The following ELF2 variants were observed in gnomAD, a reference collection of about 807,000 sequenced individuals.
ELF2 encodes ETS-related transcription factor Elf-2.
Under a neutral mutation model 54.8 loss-of-function variants are expected in ELF2, and 11 were observed. The ratio of observed to expected loss-of-function variants is 0.20; its 90% CI spans 0.13 to 0.33. The LOEUF is 0.33. Among genes scored for constraint, ELF2 ranks in the 10% least tolerant of loss-of-function variants. ELF2 has a pLI of 1.00. For missense variants in ELF2, 513 were observed against 703.0 expected (o/e 0.73, Z 3.06); for synonymous variants, 203 against 245.1 (o/e 0.83, Z 1.61).
chr4:139,096,625 C>CTT (rs551057884), intron 4 of ELF2, among the ~76,000 whole-genome samples: 32 of 126,994 alleles, frequency 2.5e-4, no homozygotes, highest in South Asian at 7.8e-4. Context: ...CCATACCAAG[C>CTT]TTTTTTTTTT....
chr4:139,139,388 A>G (rs1329729087), intron 2 of ELF2, 25 bp downstream of exon 2: 2 of 1,128,230 alleles, frequency 1.8e-6, no homozygotes, highest in East Asian at 6.4e-5. Context: ...TATATATAAT[A>G]ATAGCAGAAA....
At chr4:139,144,933 AACTTTGGGGAGCCCTATGGCCTC>A (rs1328271853) in intron 1 of ELF2, among the ~76,000 whole-genome samples, 1 of 152,210 alleles carries the variant, frequency 6.6e-6, no homozygotes, top group Non-Finnish European at 1.5e-5. Flanking sequence ...AAAAGACAGA[AACTTTGGGGAGCCCTATGGCCTC>A]ACCCATCATC....
intron 4 of ELF2, among the ~76,000 whole-genome samples, chr4:139,117,472 T>G (rs1735846201): frequency 6.6e-6 from 1 of 151,992 alleles, no homozygotes; most frequent in South Asian, 2.1e-4. Context: ...GGCAGGCAGA[T>G]CGCATGAGGC....
intron 4 of ELF2, among the ~76,000 whole-genome samples, chr4:139,076,922 T>C (rs1440823419): frequency 6.6e-6 from 1 of 152,188 alleles, no homozygotes; most frequent in Non-Finnish European, 1.5e-5. Context: ...GTAAAATACA[T>C]ACTTAGAAAA....
In ELF2 at chr4:139,125,312, A is replaced by C. The variant is rs115767880; in HGVS notation, c.90T>G (p.Ser30=). The change falls in exon 4 of 10, where the codon TCT becomes TCG. Residue 30 remains serine, a synonymous_variant. Transcript: ENST00000686138. ...GCTCCACAATCACTGCTGGATATTC[A>C]GAAACCTTTTCACTTTCCTATAAGA... ...VENQEESEKV[S]EYPAVIVEPV... 5.2e-3 allele frequency: 8,325 copies of C among 1,609,310 alleles called. 38 individuals carry two copies. The highest frequency in any genetic ancestry group is 6.7e-3 in the Non-Finnish European group (7,890 of 1,178,936).
intron 3 of ELF2, 37 bp from the exon 4 acceptor site, chr4:139,125,366 A>G: frequency 6.3e-7 from 1 of 1,594,390 alleles, no homozygotes; most frequent in Admixed American, 1.9e-5. Flanking sequence ...CAACCTTTGT[A>G]TTTACAAATT....
intron 1 of ELF2, among the ~76,000 whole-genome samples, chr4:139,176,397 G>GC (rs11286620): frequency 4.2e-4 from 63 of 150,306 alleles, no homozygotes; most frequent in East Asian, 1.0e-3. Flanking sequence ...GGTGTCCAGC[G>GC]CCCCCCCCCG....
intron 4 of ELF2, among the ~76,000 whole-genome samples, chr4:139,078,013 AAAT>A (rs780862469): frequency 6.6e-6 from 1 of 152,214 alleles, no homozygotes; most frequent in Non-Finnish European, 1.5e-5. Context: ...ACAGTACCAA[AAAT>A]AATATTTGCT....
At chr4:139,084,411 C>CGGCAGG (rs1377595132) in intron 4 of ELF2, 41 of 1,374,356 alleles carry the variant, frequency 3.0e-5, no homozygotes, top group African/African-American at 1.8e-4. Context: ...CACCACCTAA[C>CGGCAGG]GGCAGGGGCA....
At chr4:139,064,328 CAGAAA>C (rs759614654) in intron 7 of ELF2, among the ~76,000 whole-genome samples, 5 of 152,148 alleles carry the variant, frequency 3.3e-5, no homozygotes, top group Non-Finnish European at 7.4e-5. Context: ...AAAAAAAGAA[CAGAAA>C]AGAGTCCTGA....
intron 4 of ELF2, among the ~76,000 whole-genome samples, chr4:139,094,052 C>T (rs1240734730): frequency 6.6e-6 from 1 of 152,034 alleles, no homozygotes; most frequent in Non-Finnish European, 1.5e-5. Context: ...GCATGTGCCA[C>T]CATGCCTGGC....
chr4:139,106,003 G>A (rs989198402), intron 4 of ELF2, among the ~76,000 whole-genome samples: 1 of 152,174 alleles, frequency 6.6e-6, no homozygotes, highest in Non-Finnish European at 1.5e-5. Flanking sequence ...CTGGGGATGG[G>A]TCCAACAATC....
intron 1 of ELF2, among the ~76,000 whole-genome samples, chr4:139,141,411 AAAGCCTACAGGTCC>A (rs1007331432): frequency 1.3e-5 from 2 of 152,190 alleles, no homozygotes; most frequent in Non-Finnish European, 2.9e-5. Context: ...ACACATATAT[AAAGCCTACAGGTCC>A]AAGCTCTGGT....
chr4:139,146,795 A>T (rs1739264556), intron 1 of ELF2, among the ~76,000 whole-genome samples: 1 of 152,212 alleles, frequency 6.6e-6, no homozygotes, highest in Non-Finnish European at 1.5e-5. Context: ...TTATTTAATA[A>T]ATGGTGCTGA....
intron 4 of ELF2, among the ~76,000 whole-genome samples, chr4:139,099,393 T>C (rs376448421): frequency 6.6e-6 from 1 of 152,218 alleles, no homozygotes; most frequent in African/African-American, 2.4e-5. Context: ...GTAAGCACAA[T>C]GGATACAGTC....
intron 1 of ELF2, among the ~76,000 whole-genome samples, chr4:139,148,368 T>C (rs1739485993): frequency 7.0e-6 from 1 of 143,614 alleles, no homozygotes; most frequent in Non-Finnish European, 1.5e-5. Context: ...GGCTTCATTA[T>C]GTTGCCCAGG....
intron 4 of ELF2, among the ~76,000 whole-genome samples, chr4:139,120,868 G>A (rs2148827036): frequency 6.6e-6 from 1 of 152,148 alleles, no homozygotes; most frequent in East Asian, 1.9e-4. Flanking sequence ...TTCTGAACAA[G>A]TATTGAATTT....
chr4:139,107,609 T>A (rs1734546329), intron 4 of ELF2, among the ~76,000 whole-genome samples: 1 of 152,094 alleles, frequency 6.6e-6, no homozygotes, highest in Admixed American at 6.5e-5. Context: ...CAGAGAGGCA[T>A]CTTTACCATG....
chr4:139,160,791 C>T (rs1165122448), intron 1 of ELF2, among the ~76,000 whole-genome samples: 1 of 151,800 alleles, frequency 6.6e-6, no homozygotes, highest in Admixed American at 6.6e-5. Flanking sequence ...GCTGAAACCC[C>T]GACTCTACTA....
Sources: gnomAD v4.1 joint callset for allele counts (sites outside exome capture counted in the v4.1 genomes callset) on GRCh38, gnomAD v4.1.1 for gene constraint, MANE v1.5 for transcripts, NCBI Gene and HGNC (gene_info 2026-07-23, HGNC 2026-07-21) for gene names.